MRE11: variants seen among roughly 807,000 people sequenced by gnomAD.
MRE11 encodes MRE11 double strand break repair nuclease.
MRE11 carries 62 observed loss-of-function variants against 91.7 expected under a neutral mutation model. The ratio of observed to expected loss-of-function variants is 0.68; its 90% CI spans 0.55 to 0.84. The LOEUF (loss-of-function observed/expected upper bound fraction) is 0.84. MRE11 is among the 40% of genes least tolerant of loss of function. The pLI is 0.00. For synonymous variants in MRE11, 273 were observed against 271.4 expected (o/e 1.01, Z -0.06); for missense variants, 796 against 852.9 (o/e 0.93, Z 0.83).
At position 94,478,753 on chromosome 11, in the gene MRE11, T is replaced by A. The variant is rs587781676; in HGVS notation, c.526A>T (p.Ile176Phe). The change falls in exon 6 of 20, where the codon ATT becomes TTT. Residue 176 changes from isoleucine to phenylalanine, a missense_variant. Transcript: ENST00000323929. ...GTCTTACCTAAACCATATAGCGCAATCTTTGTGCTTCCTTTTTGAAGCAAA... is the reference window on the plus strand; with the variant it reads ...GTCTTACCTAAACCATATAGCGCAAACTTTGTGCTTCCTTTTTGAAGCAAA... ...PVLLQKGSTK[I>F]ALYGLGSIPD... is the part of the protein sequence containing the mutation. 3 of 1,612,874 alleles carry A rather than the reference T, an allele frequency of 1.9e-6. No individual in the cohort carries two copies. The highest frequency in any genetic ancestry group is 2.2e-5 in the East Asian group (1 of 44,824).
chr11:94,464,041 C>G (rs1565223562), intron 11 of MRE11, 72 bp downstream of exon 11: 1 of 1,475,398 alleles, frequency 6.8e-7, no homozygotes, highest in Non-Finnish European at 9.4e-7. Flanking sequence ...TATTATGTTA[C>G]AGTTTTTAAT....
intron 7 of MRE11, among the ~76,000 whole-genome samples, chr11:94,474,403 C>G (rs1230865201): frequency 1.3e-5 from 2 of 151,578 alleles, no homozygotes; most frequent in Non-Finnish European, 2.9e-5. Context: ...CAGTAGCAAC[C>G]AAAAAACTGA....
In MRE11 at chr11:94,445,902, A is replaced by T. The variant is rs1367522806; in HGVS notation, c.1784-9T>A. 6.2e-7 allele frequency: 1 copy of T among 1,603,816 alleles called. No individual in the cohort carries two copies. The highest frequency in any genetic ancestry group is 2.2e-5 in the East Asian group (1 of 44,812). On this transcript the variant is annotated splice_polypyrimidine_tract_variant and intron_variant, in intron 15 of 19. Coordinates refer to ENST00000323929, the MANE Select transcript of MRE11 (RefSeq NM_005591.4). ...CTCCAGACCAGTGTCTGCTGTTAGA[A>T]AAATGAACAGTCAATGTACAAGCCT...
intron 1 of MRE11, among the ~76,000 whole-genome samples, chr11:94,493,427 G>A (rs985938900): frequency 2.6e-5 from 4 of 152,150 alleles, no homozygotes; most frequent in African/African-American, 4.8e-5. Context: ...GCACCAGCAG[G>A]ATGACTGAAA....
chr11:94,471,701 G>C lies in MRE11; in HGVS notation c.718C>G (p.Leu240Val), dbSNP rs786203969. The C allele has an allele frequency of 1.2e-6, 2 of 1,612,470 alleles. No homozygotes were observed. Among genetic ancestry groups the C allele is most frequent in the Non-Finnish European group, 1.7e-6 (2 of 1,179,072 alleles). ...PEQFLDDFID[L>V]VIWGHEHECK... is the part of the protein sequence containing the mutation. ...TCATGTTCATGGCCCCAGATAACAAGATCAATGAAGTCATCCAAAAATTGT... is the reference window on the plus strand; with the variant it reads ...TCATGTTCATGGCCCCAGATAACAACATCAATGAAGTCATCCAAAAATTGT... Residue 240 changes from leucine to valine, a missense_variant, in exon 8 of 20, where the codon CTT becomes GTT. Physicochemically the swap from Leu to Val is conservative, Grantham distance 32 (BLOSUM62 1). Transcript: ENST00000323929.
At chr11:94,456,793 T>TA (rs1260662675) in intron 13 of MRE11, among the ~76,000 whole-genome samples, 1 of 152,194 alleles carries the variant, frequency 6.6e-6, no homozygotes, top group Non-Finnish European at 1.5e-5. Flanking sequence ...CCATTTTTAT[T>TA]AAGAGTCAAC....
chr11:94,489,343 C>A (rs1947227042), intron 3 of MRE11, among the ~76,000 whole-genome samples: 1 of 151,358 alleles, frequency 6.6e-6, no homozygotes, highest in Admixed American at 6.6e-5. Context: ...GTAAATCAGG[C>A]AGAGAGTAGT....
Position 94,417,599 on chromosome 11 carries a change from G to A in MRE11, c.*2526C>T, listed in dbSNP as rs1391827438. ...GCACCACCTTGTGGCAAAAGTAGGAGCTTTTAAATTACAGAAGTTAGGGCT... is the reference window on the plus strand; with the variant it reads ...GCACCACCTTGTGGCAAAAGTAGGAACTTTTAAATTACAGAAGTTAGGGCT... On this transcript the variant is annotated 3_prime_UTR_variant, in exon 20 of 20. Transcript: ENST00000323929. 4.3e-6 allele frequency: 1 copy of A among 232,928 alleles called. No homozygotes were observed. Among genetic ancestry groups the A allele is most frequent in the Non-Finnish European group, 8.5e-6 (1 of 117,950 alleles). The allele number at this position is 232,928 out of a possible 1,614,324, so 14.4% of individuals were successfully genotyped here.
chr11:94,497,011 GA>G (rs1392986475), upstream of MRE11: 7 of 1,602,290 alleles, frequency 4.4e-6, no homozygotes, highest in Non-Finnish European at 6.0e-6. Context: ...GTTCAAGCCA[GA>G]AGACCTGCCT....
intron 6 of MRE11, 126 bp from the exon 7 acceptor site, chr11:94,476,529 T>C (rs1437556400): frequency 1.5e-6 from 1 of 678,008 alleles, no homozygotes; most frequent in Non-Finnish European, 2.5e-6. Flanking sequence ...TATATTTGAA[T>C]TCTGGAATAA....
intron 8 of MRE11, 121 bp downstream of exon 8, chr11:94,471,453 A>G: frequency 2.3e-6 from 2 of 874,688 alleles, no homozygotes; most frequent in Non-Finnish European, 3.6e-6. Context: ...AAATAAAGCT[A>G]TCATATAAAT....
At position 94,486,037 on chromosome 11, in the gene MRE11, G is replaced by A. The variant is rs146811574; in HGVS notation, c.201C>T (p.Pro67=). The A allele has an allele frequency of 9.9e-6, 16 of 1,613,570 alleles. No individual in the cohort carries two copies. In the African/African-American group the frequency reaches 1.6e-4, roughly 16 times the overall value. The change falls in exon 4 of 20, where the codon CCC becomes CCT. Residue 67 remains proline (P), a synonymous_variant. Coordinates refer to ENST00000323929, the MANE Select transcript of MRE11 (RefSeq NM_005591.4). The part of the protein sequence containing the change: ...LGGDLFHENK[P]SRKTLHTCLE... ...GGCAGGTATGTAATGTTTTCCTTGA[G>A]GGCTTATTTTCATGAAAAAGATCAC...
chr11:94,449,476 T>C (rs1488380747), intron 14 of MRE11, among the ~76,000 whole-genome samples: 3 of 152,250 alleles, frequency 2.0e-5, no homozygotes, highest in Non-Finnish European at 4.4e-5. Flanking sequence ...TTTGGCATCA[T>C]TTATGGAGAC....
Position 94,437,205 on chromosome 11 carries a change from C to T in MRE11, c.1898G>A (p.Arg633Gln), listed in dbSNP as rs745614941. The change falls in exon 17 of 20, where the codon CGA becomes CAA. Residue 633 changes from arginine (R) to glutamine (Q), a missense_variant. By Grantham distance (43) the Arg-to-Gln change is conservative (BLOSUM62 1). Transcript: ENST00000323929. Reference sequence around the variant, plus strand: ...TGAATAATTCTTAGTAGTGACATTTCGGGAAGGCTGCTGTCTTGTAGATTT... The same window carrying T: ...TGAATAATTCTTAGTAGTGACATTTTGGGAAGGCTGCTGTCTTGTAGATTT... Reference protein sequence around the residue: ...AFKSTRQQPSRNVTTKNYSEV... With the variant: ...AFKSTRQQPSQNVTTKNYSEV... 47 of 1,612,686 alleles carry T rather than the reference C, an allele frequency of 2.9e-5. No homozygotes were observed. The South Asian group carries it at 3.1e-4, about 11-fold the overall frequency.
intron 11 of MRE11, 100 bp downstream of exon 11, chr11:94,464,011 CAT>C (rs1946490730): frequency 7.8e-7 from 1 of 1,286,304 alleles, no homozygotes; most frequent in Admixed American, 1.9e-5. Context: ...ACATTACAAT[CAT>C]ATTAAAACAT....
intron 19 of MRE11, among the ~76,000 whole-genome samples, chr11:94,422,526 A>T (rs1945199310): frequency 6.7e-6 from 1 of 149,244 alleles, no homozygotes; most frequent in South Asian, 2.2e-4. Context: ...CTCCAAATAT[A>T]AGTAAATGGT....
chr11:94,467,951 A>C, intron 9 of MRE11, 58 bp from the exon 10 acceptor site: 1 of 1,341,942 alleles, frequency 7.5e-7, no homozygotes. Flanking sequence ...AACTTGGCTG[A>C]ATAGCAGCTT....
intron 11 of MRE11, 37 bp from the exon 12 acceptor site, chr11:94,461,073 T>C: frequency 6.4e-7 from 1 of 1,551,272 alleles, no homozygotes; most frequent in Non-Finnish European, 8.9e-7. Context: ...ATAGCTTCTA[T>C]CATAATGTTA....
At chr11:94,481,195 G>C (rs1226176310) in intron 4 of MRE11, among the ~76,000 whole-genome samples, 3 of 152,068 alleles carry the variant, frequency 2.0e-5, no homozygotes, top group Non-Finnish European at 2.9e-5. Context: ...TGTAGTCCCA[G>C]CTACTTGGGA....
Sources: gnomAD v4.1 joint callset for allele counts (sites outside exome capture counted in the v4.1 genomes callset) on GRCh38, gnomAD v4.1.1 for gene constraint, MANE v1.5 for transcripts, NCBI Gene and HGNC (gene_info 2026-07-23, HGNC 2026-07-21) for gene names.